Variants in POU1F1 observed in about 807,000 individuals in gnomAD.
The protein encoded by POU1F1 is POU class 1 homeobox 1.
Under a neutral mutation model 32.3 loss-of-function variants are expected in POU1F1, and 23 were observed. That is an observed-to-expected ratio of 0.71 (90% CI 0.51 to 1.01). The LOEUF (loss-of-function observed/expected upper bound fraction) is 1.01, where lower values mean the gene tolerates loss of function less well. POU1F1 is among the 50% of genes least tolerant of loss of function. POU1F1 has a pLI of 0.00. For missense variants in POU1F1, 323 were observed against 341.6 expected, an observed-to-expected ratio of 0.95 and a Z score of 0.43; for synonymous variants, 120 against 115.6, an observed-to-expected ratio of 1.04 and a Z score of -0.25.
intron 4 of POU1F1, among the ~76,000 whole-genome samples, 157 bp from the exon 5 acceptor site, chr3:87,261,490 C>G (rs1706514436): frequency 6.6e-6 from 1 of 152,088 alleles, no homozygotes; most frequent in Middle Eastern, 3.2e-3. Flanking sequence ...TATTACAGAC[C>G]TTAGAGAAAA....
At chr3:87,268,381 A>G (rs1302660083) in intron 2 of POU1F1, among the ~76,000 whole-genome samples, 1 of 152,120 alleles carries the variant, frequency 6.6e-6, no homozygotes, top group Admixed American at 6.5e-5. Context: ...TGCTGGGATT[A>G]CAGTTGTGAG....
chr3:87,259,632 A>ATCTC lies in POU1F1; in HGVS notation c.*261_*262insGAGA. On this transcript the variant is annotated 3_prime_UTR_variant, in exon 6 of 6. Transcript: ENST00000350375. ...GTGTGTGTGAGAAAGAGAGCGGGAG[A>ATCTC]GACAGAGAGATCATTTTATTACTGT... is the stretch of plus-strand genomic sequence containing the variant. 5.8e-5 allele frequency: 25 copies of ATCTC among 432,772 alleles called. No homozygotes were observed. The highest frequency in any genetic ancestry group is 2.2e-4 in the South Asian group (9 of 41,786). 26.8% of individuals were successfully genotyped at this position (432,772 alleles called of 1,614,324 possible). A position where few individuals can be genotyped will look rare whatever the true frequency, so the allele number is the denominator to read the frequency against.
chr3:87,267,019 C>T (rs1379729668), intron 2 of POU1F1, among the ~76,000 whole-genome samples: 1 of 152,092 alleles, frequency 6.6e-6, no homozygotes, highest in Non-Finnish European at 1.5e-5. Flanking sequence ...GTACATTTAA[C>T]ATATTTTAAG....
chr3:87,264,802 C>T (rs960123712), intron 2 of POU1F1, among the ~76,000 whole-genome samples: 21 of 152,236 alleles, frequency 1.4e-4, no homozygotes, highest in African/African-American at 5.1e-4. Context: ...CTCTCAGAAG[C>T]ATACATTTTC....
chr3:87,266,425 G>T (rs942496115), intron 2 of POU1F1, among the ~76,000 whole-genome samples: 32 of 148,080 alleles, frequency 2.2e-4, no homozygotes, highest in African/African-American at 7.9e-4. Context: ...ATCTAATAGG[G>T]TATATTATTT....
At chr3:87,265,295 A>ACTT (rs1482644578) in intron 2 of POU1F1, among the ~76,000 whole-genome samples, 2 of 152,122 alleles carry the variant, frequency 1.3e-5, no homozygotes, top group African/African-American at 4.8e-5. Flanking sequence ...AAAGTTTGCA[A>ACTT]CTTTATATAT....
intron 4 of POU1F1, among the ~76,000 whole-genome samples, 161 bp downstream of exon 4, chr3:87,261,910 G>C (rs1390744657): frequency 6.6e-6 from 1 of 151,640 alleles, no homozygotes; most frequent in Non-Finnish European, 1.5e-5. Flanking sequence ...CTTTTTTGTT[G>C]TTTGTTTTAG....
intron 1 of POU1F1, 82 bp downstream of exon 1, chr3:87,276,239 G>C: frequency 6.6e-7 from 1 of 1,506,956 alleles, no homozygotes; most frequent in Admixed American, 1.7e-5. Context: ...GATGCAAAGA[G>C]ATTATTAACT....
chr3:87,275,599 A>G (rs1461073016), intron 1 of POU1F1, among the ~76,000 whole-genome samples: 5 of 152,096 alleles, frequency 3.3e-5, no homozygotes, highest in African/African-American at 7.2e-5. Flanking sequence ...GAATGAACAC[A>G]CTGGCAAAAC....
chr3:87,265,540 G>T (rs1706603624), intron 2 of POU1F1, among the ~76,000 whole-genome samples: 1 of 151,858 alleles, frequency 6.6e-6, no homozygotes, highest in South Asian at 2.1e-4. Context: ...TATCGACAAA[G>T]ATTCTACTTC....
intron 2 of POU1F1, among the ~76,000 whole-genome samples, chr3:87,268,568 G>C (rs1033099813): frequency 2.0e-5 from 3 of 152,146 alleles, no homozygotes; most frequent in Non-Finnish European, 2.9e-5. Context: ...AGTGTGGAGA[G>C]TGATTGGGAT....
intron 1 of POU1F1, among the ~76,000 whole-genome samples, chr3:87,275,958 C>T (rs539685938): frequency 1.3e-5 from 2 of 152,024 alleles, no homozygotes; most frequent in African/African-American, 4.8e-5. Context: ...AGAAGTAGCA[C>T]CTTTTAAATA....
chr3:87,272,209 A>T (rs183455470), intron 2 of POU1F1, among the ~76,000 whole-genome samples: 87 of 152,024 alleles, frequency 5.7e-4, no homozygotes, highest in African/African-American at 2.0e-3. Flanking sequence ...CACCATGCAC[A>T]CGCACACACA....
intron 2 of POU1F1, among the ~76,000 whole-genome samples, chr3:87,268,087 T>A (rs1382242277): frequency 7.2e-6 from 1 of 138,498 alleles, no homozygotes; most frequent in African/African-American, 2.7e-5. Context: ...CCTTTCCCTT[T>A]TTTTTTTTTT....
chr3:87,264,449 A>G lies in POU1F1; in HGVS notation c.278T>C (p.Ile93Thr), dbSNP rs1373036897. ...GTCCTCTGCCAGAAGAGGCTGGTGTATAGGAGGAAATCCATGACTCAAGGT... is the reference window on the plus strand; with the variant it reads ...GTCCTCTGCCAGAAGAGGCTGGTGTGTAGGAGGAAATCCATGACTCAAGGT... The part of the protein sequence containing the change: ...DHTLSHGFPP[I>T]HQPLLAEDPT... The change falls in exon 3 of 6, where the codon ATA (isoleucine) becomes ACA (threonine). Residue 93 changes from isoleucine (I) to threonine (T), a missense_variant. By Grantham distance (89) the Ile-to-Thr change is moderately conservative. Transcript: ENST00000350375. The G allele has an allele frequency of 1.2e-6, 2 of 1,613,714 alleles. No individual in the cohort carries two copies. Among genetic ancestry groups the G allele is most frequent in the South Asian group, 1.1e-5 (1 of 91,068 alleles).
chr3:87,264,705 T>C (rs1706584794), intron 2 of POU1F1, among the ~76,000 whole-genome samples, 193 bp from the exon 3 acceptor site: 1 of 152,136 alleles, frequency 6.6e-6, no homozygotes, highest in African/African-American at 2.4e-5. Flanking sequence ...ATTTGTCTTC[T>C]ACCTTCTCCA....
chr3:87,276,256 A>T, intron 1 of POU1F1, 65 bp downstream of exon 1: 2 of 1,545,336 alleles, frequency 1.3e-6, no homozygotes, highest in East Asian at 2.2e-5. Context: ...AACTATCAAG[A>T]TTCAAAGCAT....
intron 5 of POU1F1, among the ~76,000 whole-genome samples, chr3:87,260,973 C>T (rs535453273): frequency 4.0e-5 from 6 of 151,618 alleles, no homozygotes; most frequent in South Asian, 2.1e-4. Flanking sequence ...TGCAGTGGCG[C>T]AAGCTCGGAT....
chr3:87,273,263 A>G, intron 2 of POU1F1, 84 bp downstream of exon 2: 1 of 1,369,734 alleles, frequency 7.3e-7, no homozygotes, highest in South Asian at 1.2e-5. Flanking sequence ...TTCATGTCAC[A>G]CTCTGATCAC....
Sources: allele counts gnomAD v4.1 joint callset (sites outside exome capture counted in the v4.1 genomes callset), GRCh38; gene constraint gnomAD v4.1.1; transcripts MANE v1.5; gene names NCBI Gene and HGNC (gene_info 2026-07-23, HGNC 2026-07-21).